Variants in DENND1B observed in about 807,000 individuals in gnomAD.
The protein encoded by DENND1B is DENN domain containing 1B, also known as DENN domain-containing protein 1B.
Under a neutral mutation model 90.1 loss-of-function variants are expected in DENND1B, and 59 were observed. The observed-to-expected ratio is 0.65, with a 90% CI of 0.53 to 0.81. The LOEUF (loss-of-function observed/expected upper bound fraction) is 0.81, where lower values mean the gene tolerates loss of function less well. Among genes scored for constraint, DENND1B ranks in the 40% least tolerant of loss-of-function variants. The pLI is 0.00. For synonymous variants in DENND1B, 337 were observed against 324.6 expected, an observed-to-expected ratio of 1.04 and a Z score of -0.41; for missense variants, 862 against 912.6, an observed-to-expected ratio of 0.94 and a Z score of 0.71.
At chr1:197,568,068 G>C (rs1672838688) in intron 15 of DENND1B, among the ~76,000 whole-genome samples, 1 of 147,736 alleles carries the variant, frequency 6.8e-6, no homozygotes, top group African/African-American at 2.5e-5. Flanking sequence ...AGGAGGGAGG[G>C]AGGGAAATTG....
intron 3 of DENND1B, among the ~76,000 whole-genome samples, chr1:197,688,205 G>C (rs1423426104): frequency 6.6e-6 from 1 of 152,058 alleles, no homozygotes; most frequent in East Asian, 1.9e-4. Flanking sequence ...CCATGTTCAT[G>C]AATTGGAAGA....
intron 10 of DENND1B, among the ~76,000 whole-genome samples, chr1:197,638,162 A>C (rs1413500619): frequency 2.0e-5 from 3 of 152,246 alleles, no homozygotes; most frequent in Non-Finnish European, 4.4e-5. Flanking sequence ...GCATATGCTT[A>C]AATGCCTGGG....
chr1:197,609,353 T>C lies in DENND1B; in HGVS notation c.820-2179A>G, dbSNP rs796557446. Reference sequence around the variant, plus strand: ...AAATGACATAGTGGCAGCAATCACATGATCTTATAAACCTGGGTCAACATT... The same window carrying C: ...AAATGACATAGTGGCAGCAATCACACGATCTTATAAACCTGGGTCAACATT... On this transcript the variant is annotated intron_variant, in intron 12 of 22. Transcript: ENST00000620048. Among the ~76,000 whole-genome samples the C allele has an allele frequency of 5.4e-4, 82 of 150,692 alleles. 1 individual carries two copies. The highest frequency in any genetic ancestry group is 3.4e-3 in the Middle Eastern group (1 of 294).
chr1:197,713,810 A>G (rs1280069450), intron 3 of DENND1B, among the ~76,000 whole-genome samples: 1 of 61,660 alleles, frequency 1.6e-5, no homozygotes, highest in Non-Finnish European at 2.7e-5. Context: ...ATTATAATAT[A>G]TTATATATAA....
At chr1:197,559,800 G>A (rs1048375825) in intron 15 of DENND1B, among the ~76,000 whole-genome samples, 1 of 151,862 alleles carries the variant, frequency 6.6e-6, no homozygotes, top group Non-Finnish European at 1.5e-5. Flanking sequence ...ACACTGAAGT[G>A]TTACAATAAA....
At chr1:197,679,023 A>C (rs1216045856) in intron 3 of DENND1B, among the ~76,000 whole-genome samples, 1 of 152,160 alleles carries the variant, frequency 6.6e-6, no homozygotes, top group African/African-American at 2.4e-5. Flanking sequence ...TGTGAATTCC[A>C]ACACTAAAAC....
At chr1:197,684,767 G>C (rs1426584700) in intron 3 of DENND1B, among the ~76,000 whole-genome samples, 9 of 152,086 alleles carry the variant, frequency 5.9e-5, no homozygotes, top group Non-Finnish European at 7.4e-5. Flanking sequence ...ATAAATAAGA[G>C]CTTAAACTGA....
intron 11 of DENND1B, among the ~76,000 whole-genome samples, chr1:197,614,493 A>G (rs1000188104): frequency 2.0e-5 from 3 of 151,080 alleles, no homozygotes; most frequent in African/African-American, 7.3e-5. Context: ...CAAGCCAAGA[A>G]GAGATTCTTG....
Position 197,583,234 on chromosome 1 carries a change from C to A in DENND1B, c.1067G>T (p.Cys356Phe). ...RYKPGEPITF[C>F]EESFVKHRSS... is the part of the protein sequence containing the mutation. ...GCGGTGCTTTACAAAACTCTCCTCA[C>A]AGAAAGTGATGGGCTCACCCTAGAT... is the stretch of plus-strand genomic sequence containing the variant. Residue 356 changes from cysteine (C) to phenylalanine (F), a missense_variant, in exon 15 of 23, where the codon TGT becomes TTT. Physicochemically the swap from Cys to Phe is radical, Grantham distance 205 (BLOSUM62 -2). Transcript: ENST00000620048. 2 of 1,613,774 alleles carry A rather than the reference C, an allele frequency of 1.2e-6. No homozygotes were observed. Among genetic ancestry groups the A allele is most frequent in the Non-Finnish European group, 1.7e-6 (2 of 1,179,782 alleles).
intron 2 of DENND1B, among the ~76,000 whole-genome samples, chr1:197,756,131 C>T (rs1396570514): frequency 6.6e-6 from 1 of 152,228 alleles, no homozygotes; most frequent in African/African-American, 2.4e-5. Context: ...AATTATCCTA[C>T]ACATAGTCTA....
At chr1:197,652,194 T>C in intron 7 of DENND1B, 41 bp downstream of exon 7, 8 of 1,553,570 alleles carry the variant, frequency 5.1e-6, no homozygotes, top group Non-Finnish European at 7.1e-6. Context: ...AATTGAGACA[T>C]AGCTATGACT....
chr1:197,612,026 G>A (rs1192771502), intron 11 of DENND1B, 50 bp from the exon 12 acceptor site: 2 of 1,394,116 alleles, frequency 1.4e-6, no homozygotes, highest in African/African-American at 1.4e-5. Flanking sequence ...CATTAAAACT[G>A]AAACAACAGT....
chr1:197,736,155 A>G (rs1662664923), intron 2 of DENND1B: 1 of 616,828 alleles, frequency 1.6e-6, no homozygotes, highest in Non-Finnish European at 2.9e-6. Context: ...TAAAAAAAAA[A>G]AAAGAAAATA....
chr1:197,691,967 G>C (rs557163712), intron 3 of DENND1B, among the ~76,000 whole-genome samples: 2 of 151,938 alleles, frequency 1.3e-5, no homozygotes, highest in East Asian at 3.9e-4. Context: ...CGTGAGTAGA[G>C]AGAAATGGCA....
intron 13 of DENND1B, among the ~76,000 whole-genome samples, chr1:197,600,125 T>C (rs529250879): frequency 1.3e-5 from 2 of 151,934 alleles, no homozygotes; most frequent in East Asian, 3.9e-4. Flanking sequence ...AGAAAGATGT[T>C]CCTGATACAC....
At chr1:197,773,885 C>T (rs1656923144) in intron 1 of DENND1B, among the ~76,000 whole-genome samples, 2 of 152,104 alleles carry the variant, frequency 1.3e-5, no homozygotes, top group Non-Finnish European at 2.9e-5. Flanking sequence ...GACCTTAGTG[C>T]CTTTGTACAT....
intron 3 of DENND1B, among the ~76,000 whole-genome samples, chr1:197,692,828 G>A (rs532786601): frequency 6.6e-6 from 1 of 151,676 alleles, no homozygotes; most frequent in Admixed American, 6.6e-5. Flanking sequence ...GTTGTTCTTG[G>A]AGATTCTTTT....
intron 14 of DENND1B, among the ~76,000 whole-genome samples, chr1:197,591,663 T>G (rs1675215268): frequency 6.6e-6 from 1 of 152,114 alleles, no homozygotes; most frequent in African/African-American, 2.4e-5. Context: ...ATTTCTCCAA[T>G]TTATATACCC....
intron 5 of DENND1B, among the ~76,000 whole-genome samples, chr1:197,659,179 C>T (rs1046938325): frequency 4.0e-5 from 6 of 151,366 alleles, no homozygotes; most frequent in African/African-American, 1.2e-4. Flanking sequence ...CAACATGCTA[C>T]TTTTAAGAGA....
Sources: gnomAD v4.1 joint callset for allele counts (sites outside exome capture counted in the v4.1 genomes callset) on GRCh38, gnomAD v4.1.1 for gene constraint, MANE v1.5 for transcripts, NCBI Gene and HGNC (gene_info 2026-07-23, HGNC 2026-07-21) for gene names.